NSL1: variants seen among roughly 807,000 people sequenced by gnomAD.
The protein encoded by NSL1 is NSL1 component of MIS12 kinetochore complex.
NSL1 carries 11 observed loss-of-function variants against 25.4 expected under a neutral mutation model. The observed-to-expected ratio is 0.43, with a 90% CI of 0.27 to 0.72. NSL1 has a LOEUF of 0.72. Ranked by LOEUF, NSL1 falls within the 30% of genes least tolerant of loss-of-function variation. The pLI, the probability that NSL1 is intolerant of heterozygous loss-of-function variation, is 0.19. For missense variants in NSL1, 330 were observed against 342.7 expected (o/e 0.96, Z 0.29); for synonymous variants, 118 against 120.6 (o/e 0.98, Z 0.14).
chr1:212,737,950 C>G lies in NSL1; in HGVS notation c.*458G>C. 1 of 985,642 alleles carries G rather than the reference C, an allele frequency of 1.0e-6. No homozygotes were observed. The highest frequency in any genetic ancestry group is 1.2e-6 in the Non-Finnish European group (1 of 830,198). The allele number at this position is 985,642 out of a possible 1,614,324, so 61.1% of individuals were successfully genotyped here. Reference sequence around the variant, plus strand: ...CAAACTACATCTTTAAAAAAAAACCCTGCATCTGCTGCTGTGCAGAACTGA... The same window carrying G: ...CAAACTACATCTTTAAAAAAAAACCGTGCATCTGCTGCTGTGCAGAACTGA... On this transcript the variant is annotated 3_prime_UTR_variant, in exon 6 of 6. Transcript: ENST00000366977.
In NSL1 at chr1:212,736,797, T is replaced by C; in HGVS notation, c.*1611A>G. The C allele has an allele frequency of 1.0e-6, 1 of 985,300 alleles. No homozygotes were observed. The highest frequency in any genetic ancestry group is 1.1e-4 in the East Asian group (1 of 8,820). The allele number at this position is 985,300 out of a possible 1,614,324, so 61.0% of individuals were successfully genotyped here. On this transcript the variant is annotated 3_prime_UTR_variant, in exon 6 of 6. Transcript: ENST00000366977. ...TTGTCACATTTCCTTAATCGATTCC[T>C]TGTTTCTCTGCTGAATACTTCAGAG...
chr1:212,739,776 TA>T (rs2102429247), intron 4 of NSL1, among the ~76,000 whole-genome samples, 175 bp from the exon 5 acceptor site: 1 of 152,280 alleles, frequency 6.6e-6, no homozygotes, highest in Admixed American at 6.5e-5. Flanking sequence ...AGAGTAAAAC[TA>T]AAAGTTATAA....
At chr1:212,784,019 C>T (rs1660833477) in intron 3 of NSL1, 1 of 156,428 alleles carries the variant, frequency 6.4e-6, no homozygotes, top group Non-Finnish European at 1.4e-5. Context: ...AAAAAAACAA[C>T]AAACAGAAAG....
intron 4 of NSL1, among the ~76,000 whole-genome samples, chr1:212,761,402 T>C (rs1659556692): frequency 6.6e-6 from 1 of 151,956 alleles, no homozygotes; most frequent in African/African-American, 2.4e-5. Context: ...TTACAAAAAA[T>C]TATTAGGGAG....
rs3086471 is a variant in NSL1 at position 212,764,843 on chromosome 1, CAAAAAAAAAAAAAAAAA to C, written c.499+17512_499+17528del. Among the ~76,000 whole-genome samples, 8 of 38,874 alleles carry C rather than the reference CAAAAAAAAAAAAAAAAA, an allele frequency of 2.1e-4. 2 individuals are homozygous for C. The highest frequency in any genetic ancestry group is 1.5e-3 in the South Asian group (1 of 650). 25.5% of individuals were successfully genotyped at this position (38,874 alleles called of 152,430 possible). A position where few individuals can be genotyped will look rare whatever the true frequency, so the allele number is the denominator to read the frequency against. On this transcript the variant is annotated intron_variant, in intron 4 of 5. Coordinates refer to ENST00000366977, the MANE Select transcript of NSL1 (RefSeq NM_015471.4). ...CCTGGGTGACACAGCAAGACTGTCT[CAAAAAAAAAAAAAAAAA>C]AAAAAAAAAAAGAAAGAAAGAAAAA...
At position 212,728,547 on chromosome 1, in the gene NSL1, T is replaced by G. The variant is rs1224240216; in HGVS notation, c.*9861A>C. On this transcript the variant is annotated 3_prime_UTR_variant, in exon 6 of 6. Coordinates refer to ENST00000366977, the MANE Select transcript of NSL1 (RefSeq NM_015471.4). ...ATTGTTGGTTTGTTCAAACAATTTT[T>G]TCAAATCAGATTTACAGAGGGATAG... 1 of 985,464 alleles carries G rather than the reference T, an allele frequency of 1.0e-6. No individual in the cohort carries two copies. The allele number at this position is 985,464 out of a possible 1,614,324, so 61.0% of individuals were successfully genotyped here.
At chr1:212,778,681 G>A (rs7540265) in intron 4 of NSL1, among the ~76,000 whole-genome samples, 26,697 of 151,032 alleles carry the variant, frequency 0.18, 2,487 homozygotes, top group African/African-American at 0.28. Context: ...GATTGCAGAC[G>A]GAGTCTCGTT....
Position 212,732,272 on chromosome 1 carries a change from TTTA to T in NSL1, c.*6133_*6135del. 1 of 980,020 alleles carries T rather than the reference TTTA, an allele frequency of 1.0e-6. No individual in the cohort carries two copies. The highest frequency in any genetic ancestry group is 5.3e-4 in the Middle Eastern group (1 of 1,904). The allele number at this position is 980,020 out of a possible 1,614,324, so 60.7% of individuals were successfully genotyped here. On this transcript the variant is annotated 3_prime_UTR_variant, in exon 6 of 6. Coordinates refer to ENST00000366977, the MANE Select transcript of NSL1 (RefSeq NM_015471.4). ...TAACATTATCACTCGTGTTGTCACT[TTTA>T]TTTTTTTCTGAAAATATCTCTTTTG...
intron 4 of NSL1, among the ~76,000 whole-genome samples, chr1:212,761,829 T>G (rs183189766): frequency 6.6e-6 from 1 of 152,004 alleles, no homozygotes; most frequent in Non-Finnish European, 1.5e-5. Context: ...AAGAGTTCTA[T>G]GAATGAAATA....
At chr1:212,772,692 GA>G (rs1400755160) in intron 4 of NSL1, among the ~76,000 whole-genome samples, 1 of 151,532 alleles carries the variant, frequency 6.6e-6, no homozygotes, top group African/African-American at 2.4e-5. Flanking sequence ...AAGAAAAAAA[GA>G]AAGAAAGAAA....
rs1007576634 is a variant in NSL1, at chr1:212,728,501, T to C, written c.*9907A>G. The C allele has an allele frequency of 4.1e-6, 4 of 985,334 alleles. No individual in the cohort carries two copies. Among genetic ancestry groups the C allele is most frequent in the Middle Eastern group, 5.2e-4 (1 of 1,936 alleles). 61.0% of individuals were successfully genotyped at this position (985,334 alleles called of 1,614,324 possible). ...CAAGAGTAGATGAATTGTGAGCTCA[T>C]ATAGCTGGAACAAATCTGACATTGT... On this transcript the variant is annotated 3_prime_UTR_variant, in exon 6 of 6. Transcript: ENST00000366977.
At chr1:212,787,506 A>C in intron 2 of NSL1, 53 bp downstream of exon 2, 2 of 1,367,900 alleles carry the variant, frequency 1.5e-6, no homozygotes, top group Non-Finnish European at 2.0e-6. Context: ...TCAAAACAAA[A>C]TTAGCTGCAA....
rs1660852840 is a variant in NSL1, at chr1:212,784,354, T to C, written c.444+9A>G. The C allele has an allele frequency of 7.1e-6, 11 of 1,557,022 alleles. No homozygotes were observed. In the East Asian group the frequency reaches 2.5e-4, roughly 35 times the overall value. On this transcript the variant is annotated intron_variant, in intron 3 of 5. Transcript: ENST00000366977. ...TATACTATAACATTTTAAAGGCAAA[T>C]CATCTTACCAGAATTTCTTGTTTTG...
chr1:212,728,628 C>T lies in NSL1; in HGVS notation c.*9780G>A, dbSNP rs1412835941. 3 of 985,276 alleles carry T rather than the reference C, an allele frequency of 3.0e-6. No homozygotes were observed. The African/African-American group carries it at 5.2e-5, about 17-fold the overall frequency. The allele number at this position is 985,276 out of a possible 1,614,324, so 61.0% of individuals were successfully genotyped here. On this transcript the variant is annotated 3_prime_UTR_variant, in exon 6 of 6. Coordinates refer to ENST00000366977, the MANE Select transcript of NSL1 (RefSeq NM_015471.4). ...AAAATGGTTTCTGAGAATTCTGAGG[C>T]TCTGATCTGATGAGTGAAGGGAACC...
chr1:212,789,772 T>C (rs908026889), intron 1 of NSL1, among the ~76,000 whole-genome samples: 2 of 152,228 alleles, frequency 1.3e-5, no homozygotes, highest in Non-Finnish European at 2.9e-5. Context: ...TAGGATATAA[T>C]AGGTTAAGCC....
Position 212,736,401 on chromosome 1 carries a change from A to C in NSL1, c.*2007T>G. On this transcript the variant is annotated 3_prime_UTR_variant, in exon 6 of 6. Coordinates refer to ENST00000366977, the MANE Select transcript of NSL1 (RefSeq NM_015471.4). The stretch of plus-strand genomic sequence containing the variant: ...TATCATAGAGCAAGATTTGATTTTC[A>C]ATTTTTTCCTTCAACCTTTCCAATT... 1.0e-6 allele frequency: 1 copy of C among 985,048 alleles called. No homozygotes were observed. Among genetic ancestry groups the C allele is most frequent in the South Asian group, 4.7e-5 (1 of 21,272 alleles). 61.0% of individuals were successfully genotyped at this position (985,048 alleles called of 1,614,324 possible).
At chr1:212,769,627 T>A (rs1660003320) in intron 4 of NSL1, among the ~76,000 whole-genome samples, 1 of 152,088 alleles carries the variant, frequency 6.6e-6, no homozygotes, top group East Asian at 1.9e-4. Context: ...AAGTTCTACA[T>A]CTGGAAGCAA....
chr1:212,780,105 G>A (rs1349083476), intron 4 of NSL1, among the ~76,000 whole-genome samples: 12 of 151,974 alleles, frequency 7.9e-5, no homozygotes, highest in South Asian at 2.1e-4. Flanking sequence ...GATGGTTGCC[G>A]TGTCTGTGTA....
At chr1:212,775,825 T>TG (rs34321046) in intron 4 of NSL1, among the ~76,000 whole-genome samples, 1 of 144,918 alleles carries the variant, frequency 6.9e-6, no homozygotes, top group Non-Finnish European at 1.6e-5. Context: ...CATAAATTGG[T>TG]GGTTTTTTTT....
Sources: allele counts gnomAD v4.1 joint callset (sites outside exome capture counted in the v4.1 genomes callset), GRCh38; gene constraint gnomAD v4.1.1; transcripts MANE v1.5; gene names NCBI Gene and HGNC (gene_info 2026-07-23, HGNC 2026-07-21).